The following SAMMSON variants were observed in gnomAD, a reference collection of about 807,000 sequenced individuals.
SAMMSON encodes the protein survival associated mitochondrial melanoma specific oncogenic non-coding RNA.
chr3:70,110,593 G>A (rs2067384641), intron 4 of SAMMSON, among the ~76,000 whole-genome samples: 1 of 152,070 alleles, frequency 6.6e-6, no homozygotes, highest in Non-Finnish European at 1.5e-5. Context: ...TCCATGGTGT[G>A]GAATCCAGTC....
chr3:70,283,492 T>C (rs1190677285), intron 6 of SAMMSON: 2 of 152,094 alleles, frequency 1.3e-5, no homozygotes, highest in Admixed American at 6.6e-5. Flanking sequence ...CAGCATCAAA[T>C]TACTTTGAGG....
chr3:70,021,361 TG>T (rs2067012735), intron 3 of SAMMSON, among the ~76,000 whole-genome samples: 2 of 152,214 alleles, frequency 1.3e-5, no homozygotes, highest in South Asian at 4.1e-4. Context: ...TTTTCAGCCT[TG>T]TTAACCTTTT....
intron 7 of SAMMSON, among the ~76,000 whole-genome samples, chr3:70,304,538 A>G (rs1702382195): frequency 6.6e-6 from 1 of 152,110 alleles, no homozygotes. Context: ...CACAATTTCT[A>G]AAGCCGGGGG....
intron 4 of SAMMSON, among the ~76,000 whole-genome samples, chr3:70,091,371 TA>T (rs2067304312): frequency 6.6e-6 from 1 of 152,158 alleles, no homozygotes; most frequent in East Asian, 1.9e-4. Context: ...GAAACAAGCT[TA>T]CAAGGGCTTC....
intron 9 of SAMMSON, among the ~76,000 whole-genome samples, chr3:70,359,055 TATACACTCACACACAC>T (rs1240937819): frequency 6.6e-6 from 1 of 150,824 alleles, no homozygotes; most frequent in Non-Finnish European, 1.5e-5. Context: ...CCAACACACA[TATACACTCACACACAC>T]ATACTCTGAT....
chr3:70,378,602 A>T (rs1336372001), intron 9 of SAMMSON, among the ~76,000 whole-genome samples: 1 of 152,154 alleles, frequency 6.6e-6, no homozygotes, highest in Non-Finnish European at 1.5e-5. Flanking sequence ...ATTTTATTAT[A>T]ACAGTACAGT....
chr3:70,302,655 C>T (rs1702362640), intron 7 of SAMMSON: 1 of 152,166 alleles, frequency 6.6e-6, no homozygotes, highest in African/African-American at 2.4e-5. Flanking sequence ...CAGATTGCTT[C>T]ACTGTTACTT....
rs1434338349 is a variant in SAMMSON, at chr3:70,232,299, A to C, written n.508-16808A>C. 5.9e-5 allele frequency among the ~76,000 whole-genome samples: 9 copies of C among 152,202 alleles called. No individual in the cohort carries two copies. The East Asian group carries it at 1.7e-3, about 29-fold the overall frequency. On this transcript the variant is annotated intron_variant and non_coding_transcript_variant, in intron 4 of 9. Transcript: ENST00000642114. The stretch of plus-strand genomic sequence containing the variant: ...TATTATAAGGTAGAGAATCCCAGCA[A>C]GTGTCTCATCTTCAACCTTTATCCT...
At chr3:70,255,007 C>T (rs6549308) in intron 6 of SAMMSON, among the ~76,000 whole-genome samples, 146,820 of 152,250 alleles carry the variant, frequency 0.96, 70,988 homozygotes, top group Non-Finnish European at 1. Flanking sequence ...TAGATTGTTC[C>T]TTATAATTTT....
intron 7 of SAMMSON, among the ~76,000 whole-genome samples, chr3:70,344,834 A>G (rs1191289907): frequency 6.6e-6 from 1 of 152,220 alleles, no homozygotes; most frequent in Admixed American, 6.5e-5. Flanking sequence ...TCATTACAAG[A>G]TGCTCCAGGC....
chr3:70,283,288 G>T (rs1352867336), intron 6 of SAMMSON, among the ~76,000 whole-genome samples: 4 of 151,892 alleles, frequency 2.6e-5, no homozygotes, highest in Admixed American at 6.6e-5. Flanking sequence ...CTTTTTGGTT[G>T]GTCTGTGTTT....
intron 7 of SAMMSON, among the ~76,000 whole-genome samples, chr3:70,337,127 A>C (rs1018836511): frequency 8.7e-5 from 9 of 103,824 alleles, no homozygotes; most frequent in Non-Finnish European, 1.5e-4. Context: ...ATTAATAATA[A>C]TATCTAACTT....
chr3:70,064,696 A>C (rs1318585693), intron 3 of SAMMSON, among the ~76,000 whole-genome samples: 4 of 152,126 alleles, frequency 2.6e-5, no homozygotes, highest in Admixed American at 2.6e-4. Context: ...GATGTAAGGA[A>C]GGCACAAAAC....
chr3:70,131,888 A>G (rs552556043), intron 4 of SAMMSON, among the ~76,000 whole-genome samples: 49 of 152,212 alleles, frequency 3.2e-4, no homozygotes, highest in African/African-American at 1.2e-3. Flanking sequence ...AGGATTTGCA[A>G]TTCTCGATCA....
intron 4 of SAMMSON, among the ~76,000 whole-genome samples, chr3:70,183,172 C>T (rs1701067608): frequency 6.6e-6 from 1 of 152,200 alleles, no homozygotes; most frequent in Non-Finnish European, 1.5e-5. Flanking sequence ...AGATGAAATC[C>T]ACGTTTCAGC....
At chr3:70,387,880 T>G (rs1700988677) in intron 9 of SAMMSON, among the ~76,000 whole-genome samples, 1 of 152,138 alleles carries the variant, frequency 6.6e-6, no homozygotes, top group Admixed American at 6.6e-5. Flanking sequence ...ACATGAAATT[T>G]TACTGTAGAA....
intron 4 of SAMMSON, among the ~76,000 whole-genome samples, chr3:70,226,255 C>T (rs1358683378): frequency 6.6e-6 from 1 of 152,160 alleles, no homozygotes; most frequent in Admixed American, 6.5e-5. Flanking sequence ...TGAGTAAGAC[C>T]TGGCCTCTGC....
chr3:70,219,906 C>T (rs901122149), intron 4 of SAMMSON, among the ~76,000 whole-genome samples: 5 of 152,026 alleles, frequency 3.3e-5, no homozygotes, highest in South Asian at 4.1e-4. Context: ...TAAGCATAAG[C>T]GTTGTTCAAA....
intron 6 of SAMMSON, among the ~76,000 whole-genome samples, chr3:70,290,579 G>A (rs1043924301): frequency 2.0e-5 from 3 of 152,236 alleles, no homozygotes; most frequent in African/African-American, 2.4e-5. Context: ...GAGCTGTGGT[G>A]GGCTCCACCC....
Sources: gnomAD v4.1 joint callset for allele counts (sites outside exome capture counted in the v4.1 genomes callset) on GRCh38, gnomAD v4.1.1 for gene constraint, MANE v1.5 for transcripts, NCBI Gene and HGNC (gene_info 2026-07-23, HGNC 2026-07-21) for gene names.